The following CDH12 variants were observed in gnomAD, a reference collection of about 807,000 sequenced individuals.
CDH12 encodes the protein cadherin-12.
In CDH12, 41 loss-of-function variants were observed where a neutral mutation model predicts 74.1. The ratio of observed to expected loss-of-function variants is 0.55; its 90% confidence interval spans 0.43 to 0.72. CDH12 has a LOEUF of 0.72. Among genes scored for constraint, CDH12 ranks in the 30% least tolerant of loss-of-function variants. The probability of loss-of-function intolerance (pLI) is 0.00; values close to 1 mark genes in which losing one functional copy is unlikely to be tolerated. For synonymous variants in CDH12, 399 were observed against 355.0 expected (o/e 1.12, Z -1.39); for missense variants, 945 against 977.2 (o/e 0.97, Z 0.44).
chr5:22,553,487 T>C (rs1272674218), intron 1 of CDH12, among the ~76,000 whole-genome samples: 2 of 152,056 alleles, frequency 1.3e-5, no homozygotes, highest in Non-Finnish European at 2.9e-5. Context: ...AAAGAGTACA[T>C]TGGGAATTTG....
chr5:22,240,861 T>C (rs1752726334), intron 3 of CDH12, among the ~76,000 whole-genome samples: 1 of 152,056 alleles, frequency 6.6e-6, no homozygotes, highest in African/African-American at 2.4e-5. Flanking sequence ...TTTAACAATT[T>C]GAGAGCAGTT....
At chr5:22,798,523 A>T (rs1748346683) in intron 1 of CDH12, among the ~76,000 whole-genome samples, 1 of 152,102 alleles carries the variant, frequency 6.6e-6, no homozygotes, top group African/African-American at 2.4e-5. Context: ...TATGGTAAAT[A>T]TCACCAGATA....
intron 1 of CDH12, among the ~76,000 whole-genome samples, chr5:22,552,766 A>T (rs1211754744): frequency 6.6e-6 from 1 of 152,158 alleles, no homozygotes; most frequent in East Asian, 1.9e-4. Flanking sequence ...TACAGGTATG[A>T]TGAGTTTTCA....
chr5:21,944,246 A>G (rs572936793), intron 6 of CDH12, among the ~76,000 whole-genome samples: 19 of 152,328 alleles, frequency 1.2e-4, no homozygotes, highest in African/African-American at 4.1e-4. Flanking sequence ...TGTATTTTGT[A>G]GTACTTCTCT....
chr5:22,203,257 C>T (rs565514184), intron 4 of CDH12, among the ~76,000 whole-genome samples: 12 of 152,206 alleles, frequency 7.9e-5, no homozygotes, highest in African/African-American at 2.9e-4. Flanking sequence ...TCCCTCCCCC[C>T]GCCACAGCCT....
chr5:22,732,503 T>G, intron 1 of CDH12, among the ~76,000 whole-genome samples: 1 of 145,576 alleles, frequency 6.9e-6, no homozygotes, highest in African/African-American at 2.6e-5. Context: ...CACACACACA[T>G]AAAAATTCCA....
chr5:21,857,899 C>T (rs565888825), intron 6 of CDH12, among the ~76,000 whole-genome samples: 1 of 151,864 alleles, frequency 6.6e-6, no homozygotes, highest in African/African-American at 2.4e-5. Flanking sequence ...TGAGACCTCT[C>T]TTCCTGGCTT....
intron 3 of CDH12, among the ~76,000 whole-genome samples, chr5:22,236,157 T>C (rs1373172102): frequency 6.6e-6 from 1 of 152,214 alleles, no homozygotes; most frequent in African/African-American, 2.4e-5. Context: ...CGAATGAATA[T>C]GAAGGCCTAG....
At chr5:22,361,283 A>G (rs1740789861) in intron 3 of CDH12, among the ~76,000 whole-genome samples, 2 of 152,312 alleles carry the variant, frequency 1.3e-5, no homozygotes, top group East Asian at 3.9e-4. Flanking sequence ...TTATACACTA[A>G]TAACAGACAA....
chr5:22,147,624 G>A (rs1747284601), intron 4 of CDH12, among the ~76,000 whole-genome samples: 2 of 149,998 alleles, frequency 1.3e-5, no homozygotes, highest in South Asian at 4.2e-4. Flanking sequence ...TGGACTCATA[G>A]TTCCACGTGG....
intron 1 of CDH12, among the ~76,000 whole-genome samples, chr5:22,735,449 GA>G (rs1400884713): frequency 6.6e-6 from 1 of 151,740 alleles, no homozygotes; most frequent in Non-Finnish European, 1.5e-5. Context: ...AATTTATAGG[GA>G]AAATGTGCTG....
At chr5:22,042,274 C>A (rs1327446279) in intron 5 of CDH12, among the ~76,000 whole-genome samples, 2 of 151,344 alleles carry the variant, frequency 1.3e-5, no homozygotes, top group Non-Finnish European at 2.9e-5. Flanking sequence ...ACAAATTAAA[C>A]CCAAGGTTAG....
chr5:22,733,442 T>C (rs1744533955), intron 1 of CDH12, among the ~76,000 whole-genome samples: 1 of 151,134 alleles, frequency 6.6e-6, no homozygotes, highest in African/African-American at 2.4e-5. Flanking sequence ...TGTGAATCTT[T>C]TTTTTTTTTT....
chr5:22,285,715 TCTGA>T (rs1737105959), intron 3 of CDH12, among the ~76,000 whole-genome samples: 1 of 152,152 alleles, frequency 6.6e-6, no homozygotes, highest in Admixed American at 6.5e-5. Context: ...AACTTTCAGT[TCTGA>T]AAGATATCAT....
chr5:22,503,944 T>C (rs979650600), intron 2 of CDH12, among the ~76,000 whole-genome samples: 1 of 152,044 alleles, frequency 6.6e-6, no homozygotes, highest in African/African-American at 2.4e-5. Context: ...TTTAAGAATA[T>C]GGAGTTGCCT....
intron 1 of CDH12, among the ~76,000 whole-genome samples, chr5:22,632,867 T>G (rs1252772415): frequency 1.3e-5 from 2 of 149,994 alleles, no homozygotes; most frequent in African/African-American, 4.9e-5. Flanking sequence ...CCCCTAGATA[T>G]AGACACATCA....
At chr5:22,837,550 C>T (rs1736885308) in intron 1 of CDH12, among the ~76,000 whole-genome samples, 1 of 152,202 alleles carries the variant, frequency 6.6e-6, no homozygotes, top group Admixed American at 6.5e-5. Context: ...TATGTCAAAA[C>T]ACCAATAGGT....
intron 2 of CDH12, among the ~76,000 whole-genome samples, chr5:22,470,489 G>A: frequency 6.6e-6 from 1 of 151,840 alleles, no homozygotes; most frequent in Non-Finnish European, 1.5e-5. Flanking sequence ...CGTGATCATA[G>A]CTCACTGCAG....
chr5:22,154,934 C>T (rs61182761), intron 4 of CDH12, among the ~76,000 whole-genome samples: 16,907 of 152,010 alleles, frequency 0.11, 1,509 homozygotes, highest in African/African-American at 0.25. Flanking sequence ...AAAAGATTGG[C>T]TCAAAGGCCC....
Sources: allele counts gnomAD v4.1 joint callset (sites outside exome capture counted in the v4.1 genomes callset), GRCh38; gene constraint gnomAD v4.1.1; transcripts MANE v1.5; gene names NCBI Gene and HGNC (gene_info 2026-07-23, HGNC 2026-07-21).